The following ANKS1B variants were observed in gnomAD, a reference collection of about 807,000 sequenced individuals.
ANKS1B encodes ankyrin repeat and sterile alpha motif domain containing 1B, also known as ankyrin repeat and sterile alpha motif domain-containing protein 1B.
In ANKS1B, 36 loss-of-function variants were observed where a neutral mutation model predicts 148.3. The observed-to-expected ratio is 0.24, with a 90% CI of 0.19 to 0.32. ANKS1B has a LOEUF of 0.32. Ranked by LOEUF, ANKS1B falls within the 10% of genes least tolerant of loss-of-function variation. The pLI is 1.00. For synonymous variants in ANKS1B, 542 were observed against 560.8 expected (o/e 0.97, Z 0.47); for missense variants, 1,157 against 1,542.6 (o/e 0.75, Z 4.19).
chr12:98,742,970 T>C (rs1374128518), downstream of ANKS1B, among the ~76,000 whole-genome samples: 1 of 152,252 alleles, frequency 6.6e-6, no homozygotes, highest in East Asian at 1.9e-4. Context: ...TCAGATCGAC[T>C]AGCCTATCTA....
At chr12:99,219,257 T>A (rs1456763152) in intron 14 of ANKS1B, among the ~76,000 whole-genome samples, 1 of 152,126 alleles carries the variant, frequency 6.6e-6, no homozygotes, top group Non-Finnish European at 1.5e-5. Context: ...ATAAATTAGG[T>A]CTCTGGCCCT....
chr12:98,776,772 G>A (rs938998113), intron 24 of ANKS1B, among the ~76,000 whole-genome samples: 9 of 152,250 alleles, frequency 5.9e-5, no homozygotes, highest in African/African-American at 2.2e-4. Flanking sequence ...CCAGGGCGGG[G>A]CCAACAGTAT....
At chr12:98,938,696 C>T (rs150817288) in intron 17 of ANKS1B, among the ~76,000 whole-genome samples, 1 of 152,190 alleles carries the variant, frequency 6.6e-6, no homozygotes, top group Non-Finnish European at 1.5e-5. Context: ...TAAGTCACTT[C>T]GATGAAAACT....
intron 10 of ANKS1B, among the ~76,000 whole-genome samples, chr12:99,452,476 C>T (rs1183753304): frequency 1.3e-5 from 2 of 152,078 alleles, no homozygotes; most frequent in African/African-American, 4.8e-5. Flanking sequence ...CAGGGCAGTC[C>T]TTTGTACACA....
At chr12:99,600,343 A>G (rs977487102) in intron 9 of ANKS1B, among the ~76,000 whole-genome samples, 2 of 152,024 alleles carry the variant, frequency 1.3e-5, no homozygotes, top group African/African-American at 4.8e-5. Flanking sequence ...AAACTTTTTC[A>G]TCCCGTGACT....
At chr12:99,310,512 T>TA (rs1191768098) in intron 12 of ANKS1B, among the ~76,000 whole-genome samples, 1 of 152,182 alleles carries the variant, frequency 6.6e-6, no homozygotes, top group Non-Finnish European at 1.5e-5. Context: ...GGATTCTTCC[T>TA]ACTTGACTAC....
intron 8 of ANKS1B, among the ~76,000 whole-genome samples, chr12:99,744,487 C>T (rs1343901754): frequency 1.3e-5 from 2 of 152,200 alleles, no homozygotes; most frequent in South Asian, 2.1e-4. Flanking sequence ...TCTTCCTCTG[C>T]ATTCAGATTA....
At chr12:98,840,388 C>CT (rs2099399281) in intron 17 of ANKS1B, among the ~76,000 whole-genome samples, 1 of 152,128 alleles carries the variant, frequency 6.6e-6, no homozygotes, top group South Asian at 2.1e-4. Context: ...CAGCAAATAA[C>CT]TGTTTGACAG....
chr12:99,632,761 A>T (rs1159223970), intron 9 of ANKS1B, among the ~76,000 whole-genome samples: 888 of 74,068 alleles, frequency 0.012, 40 homozygotes, highest in African/African-American at 0.044. Flanking sequence ...ATATATATAT[A>T]TATATATTTT....
intron 17 of ANKS1B, among the ~76,000 whole-genome samples, chr12:99,027,479 A>G (rs551363540): frequency 1.3e-5 from 2 of 152,356 alleles, no homozygotes; most frequent in Admixed American, 1.3e-4. Flanking sequence ...TTCCAGATGA[A>G]GAAACTAGTG....
intron 9 of ANKS1B, among the ~76,000 whole-genome samples, chr12:99,601,114 T>C (rs1439799968): frequency 6.6e-6 from 1 of 152,110 alleles, no homozygotes; most frequent in Non-Finnish European, 1.5e-5. Flanking sequence ...GTATATGTTA[T>C]ATGCCTCTAA....
chr12:98,792,585 C>T (rs544115774), intron 22 of ANKS1B, among the ~76,000 whole-genome samples: 2 of 152,144 alleles, frequency 1.3e-5, no homozygotes, highest in African/African-American at 4.8e-5. Context: ...CATTGAGCAA[C>T]GTCTCCCTAT....
chr12:99,450,248 C>T (rs190003954), intron 10 of ANKS1B, among the ~76,000 whole-genome samples: 5 of 152,208 alleles, frequency 3.3e-5, no homozygotes, highest in East Asian at 1.9e-4. Context: ...AATTCAGGTC[C>T]GCAATTTATT....
intron 1 of ANKS1B, among the ~76,000 whole-genome samples, chr12:99,898,419 A>G (rs1382803875): frequency 6.6e-6 from 1 of 152,188 alleles, no homozygotes; most frequent in African/African-American, 2.4e-5. Flanking sequence ...CCAAAAAGAA[A>G]AAACCTTCCC....
intron 10 of ANKS1B, among the ~76,000 whole-genome samples, chr12:99,461,031 G>C (rs1415261086): frequency 6.6e-6 from 1 of 150,930 alleles, no homozygotes; most frequent in East Asian, 1.9e-4. Context: ...TAAAGAAAAT[G>C]TGGTGGATAT....
chr12:99,383,593 T>C (rs1003837533), intron 12 of ANKS1B, among the ~76,000 whole-genome samples: 3 of 152,180 alleles, frequency 2.0e-5, no homozygotes, highest in African/African-American at 7.2e-5. Flanking sequence ...TTTTCAGGTT[T>C]TGACAAAAAT....
intron 17 of ANKS1B, among the ~76,000 whole-genome samples, chr12:98,944,248 TGAG>T (rs1212094234): frequency 7.5e-6 from 1 of 132,932 alleles, no homozygotes; most frequent in Admixed American, 9.7e-5. Context: ...TGCAGTGAGC[TGAG>T]ATCACACCAT....
intron 17 of ANKS1B, among the ~76,000 whole-genome samples, chr12:98,960,565 C>T (rs929773671): frequency 2.6e-5 from 4 of 152,084 alleles, no homozygotes; most frequent in Non-Finnish European, 4.4e-5. Flanking sequence ...TAGAAGACTA[C>T]AATAAATATC....
intron 17 of ANKS1B, among the ~76,000 whole-genome samples, chr12:99,041,007 C>T (rs2099958605): frequency 6.6e-6 from 1 of 152,142 alleles, no homozygotes; most frequent in Non-Finnish European, 1.5e-5. Flanking sequence ...CTTGAGATGA[C>T]GTTGTGAGTT....
Sources: gnomAD v4.1 joint callset for allele counts (sites outside exome capture counted in the v4.1 genomes callset) on GRCh38, gnomAD v4.1.1 for gene constraint, MANE v1.5 for transcripts, NCBI Gene and HGNC (gene_info 2026-07-23, HGNC 2026-07-21) for gene names.